CCDC12: variants seen among roughly 807,000 people sequenced by gnomAD.
CCDC12 encodes the protein coiled-coil domain-containing protein 12.
Under a neutral mutation model 25.7 loss-of-function variants are expected in CCDC12, and 28 were observed. The observed-to-expected ratio is 1.09, with a 90% confidence interval of 0.81 to 1.50. The LOEUF is 1.50. Among genes scored for constraint, CCDC12 ranks in the 40% most tolerant of loss-of-function variants. CCDC12 has a pLI of 0.00. For synonymous variants in CCDC12, 75 were observed against 87.7 expected (o/e 0.86, Z 0.81); for missense variants, 198 against 210.0 (o/e 0.94, Z 0.35).
chr3:46,942,568 G>A (rs558836882), intron 1 of CCDC12, among the ~76,000 whole-genome samples: 2 of 152,342 alleles, frequency 1.3e-5, no homozygotes, highest in South Asian at 4.1e-4. Context: ...TGCTTTATGT[G>A]GAGACTGCAG....
At chr3:46,940,244 A>G (rs2033646076) in intron 2 of CCDC12, among the ~76,000 whole-genome samples, 1 of 152,208 alleles carries the variant, frequency 6.6e-6, no homozygotes, top group Admixed American at 6.5e-5. Context: ...TGGGAGGCAA[A>G]GCAGCATCTG....
chr3:46,976,473 C>G (rs1203250371), intron 1 of CCDC12, 164 bp downstream of exon 1: 2 of 1,435,202 alleles, frequency 1.4e-6, no homozygotes, highest in African/African-American at 1.4e-5. Flanking sequence ...CCAAGCAGCC[C>G]CAGACATCGT....
At chr3:46,956,066 G>C (rs2034280061) in intron 1 of CCDC12, among the ~76,000 whole-genome samples, 1 of 152,216 alleles carries the variant, frequency 6.6e-6, no homozygotes, top group African/African-American at 2.4e-5. Flanking sequence ...GATTGCATCA[G>C]GCTTTCAAAA....
intron 2 of CCDC12, 87 bp from the exon 3 acceptor site, chr3:46,925,622 A>T: frequency 1.8e-6 from 2 of 1,104,520 alleles, no homozygotes; most frequent in Non-Finnish European, 2.6e-6. Context: ...ATAGCCCGTG[A>T]ATTCCTGAAT....
At chr3:46,963,849 C>T (rs1400256848) in intron 1 of CCDC12, among the ~76,000 whole-genome samples, 23 of 152,158 alleles carry the variant, frequency 1.5e-4, no homozygotes, top group African/African-American at 4.3e-4. Context: ...CCCAAAGTGC[C>T]GAGATTGCAG....
chr3:46,947,290 GAGAC>G lies in CCDC12; in HGVS notation c.97-6229_97-6226del, dbSNP rs1386609633. 2.0e-5 allele frequency among the ~76,000 whole-genome samples: 3 copies of G among 152,228 alleles called. No homozygotes were observed. The East Asian group carries it at 5.8e-4, about 29-fold the overall frequency. On this transcript the variant is annotated intron_variant, in intron 1 of 6. Coordinates refer to ENST00000683445, the MANE Select transcript of CCDC12 (RefSeq NM_001277074.2). ...ACATAGTGCCTGAAGGTGACAGGAA[GAGAC>G]AGACAATGCTGGGGCAAACTTGGCA...
At chr3:46,936,371 C>T (rs901995539) in intron 2 of CCDC12, among the ~76,000 whole-genome samples, 4 of 152,182 alleles carry the variant, frequency 2.6e-5, no homozygotes, top group South Asian at 2.1e-4. Flanking sequence ...TCTGCCTTTT[C>T]GAGGTGTGTC....
chr3:46,941,087 C>G, intron 1 of CCDC12, 22 bp from the exon 2 acceptor site: 1 of 1,613,282 alleles, frequency 6.2e-7, no homozygotes. Context: ...GGGAGAAAAC[C>G]ACCAGCTCAG....
intron 5 of CCDC12, chr3:46,922,828 C>T (rs1245450811): frequency 2.2e-5 from 4 of 183,582 alleles, no homozygotes; most frequent in Non-Finnish European, 4.6e-5. Flanking sequence ...AGGGATATAG[C>T]TCTACCTCCG....
Position 46,976,725 on chromosome 3 carries a change from G to A in CCDC12, c.8C>T (p.Ala3Val), listed in dbSNP as rs1220771826. ...TAGCCGGCCCACACCAGCCGTAGTT[G>A]CCTCCATCTTGCCCGCGTACGCCCC... ME[A>V]TTAGVGRLEE... Residue 3 changes from alanine (A) to valine (V), a missense_variant, in exon 1 of 7, where the codon GCA (alanine) becomes GTA (valine). Transcript: ENST00000683445. The A allele has an allele frequency of 1.9e-6, 3 of 1,606,294 alleles. No individual in the cohort carries two copies. The highest frequency in any genetic ancestry group is 2.2e-5 in the South Asian group (2 of 89,726).
chr3:46,932,454 G>A (rs769329532), intron 2 of CCDC12, among the ~76,000 whole-genome samples: 4 of 152,314 alleles, frequency 2.6e-5, no homozygotes, highest in Admixed American at 6.5e-5. Context: ...CCCCACTCGT[G>A]GGCAGAGGAG....
chr3:46,929,844 A>C (rs1176396392), intron 2 of CCDC12, among the ~76,000 whole-genome samples: 2 of 151,788 alleles, frequency 1.3e-5, no homozygotes, highest in African/African-American at 4.8e-5. Flanking sequence ...CTGGCCAACC[A>C]ACATGGTGAA....
intron 1 of CCDC12, among the ~76,000 whole-genome samples, chr3:46,972,257 C>A (rs2034826902): frequency 6.6e-6 from 1 of 152,136 alleles, no homozygotes; most frequent in Admixed American, 6.5e-5. Context: ...CTGCCTGAGG[C>A]CAGGTGTTTG....
chr3:46,941,956 G>A (rs2033727448), intron 1 of CCDC12, among the ~76,000 whole-genome samples: 1 of 152,208 alleles, frequency 6.6e-6, no homozygotes, highest in Admixed American at 6.5e-5. Flanking sequence ...CAGAGGCAAG[G>A]GGAATTAGTC....
intron 1 of CCDC12, among the ~76,000 whole-genome samples, chr3:46,951,105 G>A (rs1202898291): frequency 2.0e-5 from 3 of 152,102 alleles, no homozygotes; most frequent in African/African-American, 7.2e-5. Context: ...CTGCACTCCA[G>A]CCTTGGCAAC....
chr3:46,960,377 C>T (rs1272365380), intron 1 of CCDC12, among the ~76,000 whole-genome samples: 1 of 152,166 alleles, frequency 6.6e-6, no homozygotes, highest in Non-Finnish European at 1.5e-5. Flanking sequence ...ACAGGAAAGT[C>T]CTGCTTTAAC....
At chr3:46,945,702 T>C (rs2033876849) in intron 1 of CCDC12, among the ~76,000 whole-genome samples, 1 of 152,242 alleles carries the variant, frequency 6.6e-6, no homozygotes, top group Non-Finnish European at 1.5e-5. Context: ...ACTGTATAGA[T>C]TTTCTATTTC....
chr3:46,975,478 C>G (rs951645739), intron 1 of CCDC12, among the ~76,000 whole-genome samples: 2 of 151,706 alleles, frequency 1.3e-5, no homozygotes, highest in African/African-American at 4.8e-5. Flanking sequence ...GTGCCCGGCC[C>G]TCGTTCCCAA....
rs530926799 is a variant in CCDC12, at chr3:46,969,389, C to T, written c.96+7248G>A. Among the ~76,000 whole-genome samples, 181 of 152,248 alleles carry T rather than the reference C, an allele frequency of 1.2e-3. 1 individual carries two copies. The highest frequency in any genetic ancestry group is 4.1e-3 in the African/African-American group (171 of 41,534). On this transcript the variant is annotated intron_variant, in intron 1 of 6. Transcript: ENST00000683445. Reference sequence around the variant, plus strand: ...GACTGCAGGAGCGGGCCACCATGCCCGGCTAATTTTGTTTACTTATATTTG... The same window carrying T: ...GACTGCAGGAGCGGGCCACCATGCCTGGCTAATTTTGTTTACTTATATTTG...
Sources: allele counts gnomAD v4.1 joint callset (sites outside exome capture counted in the v4.1 genomes callset), GRCh38; gene constraint gnomAD v4.1.1; transcripts MANE v1.5; gene names NCBI Gene and HGNC (gene_info 2026-07-23, HGNC 2026-07-21).